Variants in ITM2C observed in about 807,000 individuals in gnomAD.
The protein encoded by ITM2C is integral membrane protein 2C.
In ITM2C, 20 loss-of-function variants were observed where a neutral mutation model predicts 30.0. The observed-to-expected ratio is 0.67, with a 90% CI of 0.47 to 0.97. The LOEUF is 0.97. ITM2C is among the 50% of genes least tolerant of loss of function. ITM2C has a pLI of 0.00. For synonymous variants in ITM2C, 167 were observed against 156.4 expected (o/e 1.07, Z -0.51); for missense variants, 366 against 371.9 (o/e 0.98, Z 0.13).
rs1440355281 is a variant in ITM2C, at chr2:230,876,948, A to T, written c.542A>T (p.Glu181Val). 1.2e-6 allele frequency: 2 copies of T among 1,612,624 alleles called. No homozygotes were observed. The highest frequency in any genetic ancestry group is 1.7e-6 in the Non-Finnish European group (2 of 1,178,818). ...TIVLPPRNFW[E>V]LLMNVKRGTY... ...GTGCTGCCCCCTCGCAACTTCTGGGAGCTCCTCATGAACGTGAAGGTGCGC... is the reference window on the plus strand; with the variant it reads ...GTGCTGCCCCCTCGCAACTTCTGGGTGCTCCTCATGAACGTGAAGGTGCGC... Residue 181 changes from glutamate to valine, a missense_variant, in exon 4 of 6, where the codon GAG becomes GTG. Physicochemically the swap from Glu to Val is moderately radical, Grantham distance 121. Coordinates refer to ENST00000326427, the MANE Select transcript of ITM2C (RefSeq NM_030926.6).
Position 230,876,937 on chromosome 2 carries a change from C to A in ITM2C, c.531C>A (p.Arg177=), listed in dbSNP as rs1697315429. ...ELNTTIVLPP[R]NFWELLMNVK... is the part of the protein sequence containing the mutation. ...ACACCACCATTGTGCTGCCCCCTCG[C>A]AACTTCTGGGAGCTCCTCATGAACG... is the stretch of plus-strand genomic sequence containing the variant. Residue 177 remains arginine (R), a synonymous_variant, in exon 4 of 6, where the codon CGC becomes CGA. Coordinates refer to ENST00000326427, the MANE Select transcript of ITM2C (RefSeq NM_030926.6). The A allele has an allele frequency of 6.2e-7, 1 of 1,613,786 alleles. No homozygotes were observed. The highest frequency in any genetic ancestry group is 8.5e-7 in the Non-Finnish European group (1 of 1,179,672).
Position 230,873,978 on chromosome 2 carries a change from G to A in ITM2C, c.261+421G>A, listed in dbSNP as rs115867028. 7.8e-3 allele frequency among the ~76,000 whole-genome samples: 1,191 copies of A among 152,302 alleles called. 18 individuals are homozygous for A. Among genetic ancestry groups the A allele is most frequent in the African/African-American group, 0.027 (1,117 of 41,566 alleles). The stretch of plus-strand genomic sequence containing the variant: ...GTTACCAAACAAGAGAGGGAGAGGG[G>A]TGGGTACAGAGAGTCTCCACCACCT... On this transcript the variant is annotated intron_variant, in intron 2 of 5. Transcript: ENST00000326427.
rs1697011922 is a variant in ITM2C, at chr2:230,865,745, T to C, written c.120+600T>C. ...AGACCAGAAAGTGATGAAATGGAAA[T>C]CAGCCAGAACCGACGGCGCTGCGGC... On this transcript the variant is annotated intron_variant, in intron 1 of 5. Transcript: ENST00000326427. The surrounding 1 kb of genome is among the most constrained non-coding windows in gnomAD (Gnocchi z 6.8). 1 of 152,250 alleles carries C rather than the reference T, an allele frequency of 6.6e-6. No individual in the cohort carries two copies. The highest frequency in any genetic ancestry group is 2.4e-5 in the African/African-American group (1 of 41,430). The allele number at this position is 152,250 out of a possible 1,614,324, so 9.4% of individuals were successfully genotyped here. A position where few individuals can be genotyped will look rare whatever the true frequency, so the allele number is the denominator to read the frequency against.
intron 1 of ITM2C, among the ~76,000 whole-genome samples, chr2:230,872,001 C>G (rs549009206): frequency 6.6e-5 from 10 of 152,382 alleles, no homozygotes; most frequent in South Asian, 2.1e-4. Context: ...GAACCACCCC[C>G]CTCCAGGGGG....
intron 1 of ITM2C, among the ~76,000 whole-genome samples, chr2:230,873,064 A>G (rs2125020493): frequency 6.6e-6 from 1 of 152,206 alleles, no homozygotes; most frequent in Middle Eastern, 3.4e-3. Flanking sequence ...TCTGTTTGAA[A>G]GAATATACCA....
In ITM2C at chr2:230,877,108, T is replaced by A; in HGVS notation, c.561+141T>A. On this transcript the variant is annotated intron_variant, in intron 4 of 5. Transcript: ENST00000326427. The surrounding 1 kb of genome is among the most constrained non-coding windows in gnomAD (Gnocchi z 4.8). ...AGACATTGCTGGCACCTGGGCCCTG[T>A]ACCCAGATTGGTCTCGCCTCTGCTA... 2 of 677,874 alleles carry A rather than the reference T, an allele frequency of 3.0e-6. No individual in the cohort carries two copies. Among genetic ancestry groups the A allele is most frequent in the Non-Finnish European group, 5.1e-6 (2 of 388,778 alleles). 42.0% of individuals were successfully genotyped at this position (677,874 alleles called of 1,614,324 possible).
chr2:230,867,478 C>G (rs1042827079), intron 1 of ITM2C, among the ~76,000 whole-genome samples: 3 of 152,074 alleles, frequency 2.0e-5, no homozygotes, highest in Non-Finnish European at 4.4e-5. Context: ...CTCTGTGAGC[C>G]GAGGGATGGC....
Position 230,865,240 on chromosome 2 carries a change from A to C in ITM2C, c.120+95A>C. 1 of 1,225,464 alleles carries C rather than the reference A, an allele frequency of 8.2e-7. No homozygotes were observed. The highest frequency in any genetic ancestry group is 1.0e-6 in the Non-Finnish European group (1 of 961,618). 75.9% of individuals were successfully genotyped at this position (1,225,464 alleles called of 1,614,324 possible). On this transcript the variant is annotated intron_variant, in intron 1 of 5. Transcript: ENST00000326427. The surrounding 1 kb of genome is among the most constrained non-coding windows in gnomAD (Gnocchi z 6.8). ...CCCTGGGGACTGCCCGAGGCGCGTC[A>C]GGGCCCCAGAGCCCGGGGTGGAGCA...
chr2:230,868,294 G>A (rs1179940250), intron 1 of ITM2C, among the ~76,000 whole-genome samples: 1 of 152,146 alleles, frequency 6.6e-6, no homozygotes, highest in Non-Finnish European at 1.5e-5. Flanking sequence ...ATAATGAGGA[G>A]CTGGGACACT....
chr2:230,875,386 T>C (rs1559157939), intron 2 of ITM2C, among the ~76,000 whole-genome samples: 1 of 152,160 alleles, frequency 6.6e-6, no homozygotes, highest in Non-Finnish European at 1.5e-5. Flanking sequence ...TTTGTGAAGC[T>C]GGGAAGCGCC....
At chr2:230,872,222 T>C (rs555382679) in intron 1 of ITM2C, among the ~76,000 whole-genome samples, 1 of 152,356 alleles carries the variant, frequency 6.6e-6, no homozygotes, top group Non-Finnish European at 1.5e-5. Context: ...CCGCAGGGAC[T>C]GACCTCTAAC....
At chr2:230,875,491 C>A in intron 2 of ITM2C, 129 bp from the exon 3 acceptor site, 1 of 759,080 alleles carries the variant, frequency 1.3e-6, no homozygotes, top group Non-Finnish European at 2.1e-6. Context: ...ATGGGTCTCA[C>A]AGTCCCTGCT....
At chr2:230,876,476 C>A (rs1050360624) in intron 3 of ITM2C, among the ~76,000 whole-genome samples, 3 of 151,968 alleles carry the variant, frequency 2.0e-5, no homozygotes, top group Admixed American at 2.0e-4. Flanking sequence ...CCTGCCCCTG[C>A]TGGCCAAGCT....
chr2:230,868,928 G>C (rs187265615), intron 1 of ITM2C, among the ~76,000 whole-genome samples: 561 of 152,330 alleles, frequency 3.7e-3, no homozygotes, highest in Non-Finnish European at 6.0e-3. Context: ...TTGGCGCCCC[G>C]GCAGGCCCCA....
chr2:230,873,381 C>T lies in ITM2C; in HGVS notation c.121-36C>T, dbSNP rs761472683. 2.2e-5 allele frequency: 33 copies of T among 1,489,504 alleles called. 1 individual carries two copies. Among genetic ancestry groups the T allele is most frequent in the South Asian group, 4.3e-5 (3 of 70,152 alleles). 92.3% of individuals were successfully genotyped at this position (1,489,504 alleles called of 1,614,324 possible). A position where few individuals can be genotyped will look rare whatever the true frequency, so the allele number is the denominator to read the frequency against. The stretch of plus-strand genomic sequence containing the variant: ...GAAGGGGGGATTTCCAGGGGAGGGG[C>T]CCTGGCCCCCACTGACCCAGCATTG... On this transcript the variant is annotated intron_variant, in intron 1 of 5. Transcript: ENST00000326427.
intron 1 of ITM2C, among the ~76,000 whole-genome samples, chr2:230,871,297 A>C (rs1276294421): frequency 6.6e-6 from 1 of 152,250 alleles, no homozygotes; most frequent in Non-Finnish European, 1.5e-5. Flanking sequence ...ACCTTTCCTT[A>C]AGACCTGCTC....
At position 230,877,004 on chromosome 2, in the gene ITM2C, G is replaced by A. The variant is rs1697319223; in HGVS notation, c.561+37G>A. On this transcript the variant is annotated intron_variant, in intron 4 of 5. Transcript: ENST00000326427. This position sits in a 1 kb window ranked among gnomAD's most constrained non-coding sequence, Gnocchi z 4.8. The stretch of plus-strand genomic sequence containing the variant: ...GTTGGGGGGATGTCTGCAGCATCCT[G>A]TCCCTCCCTTGCCCCCTGTCTCATG... The A allele has an allele frequency of 1.5e-6, 2 of 1,362,904 alleles. No homozygotes were observed. Among genetic ancestry groups the A allele is most frequent in the Non-Finnish European group, 2.1e-6 (2 of 952,410 alleles). 84.4% of individuals were successfully genotyped at this position (1,362,904 alleles called of 1,614,324 possible).
chr2:230,864,282 G>A (rs1007189312), upstream of ITM2C, among the ~76,000 whole-genome samples: 3 of 152,310 alleles, frequency 2.0e-5, no homozygotes, highest in African/African-American at 4.8e-5. The surrounding 1 kb of genome is among the most constrained non-coding windows in gnomAD (Gnocchi z 4.3). Context: ...AGGGAGCAGG[G>A]GCGGCCTTCC....
chr2:230,878,109 C>A lies in ITM2C; in HGVS notation c.*10C>A. 6.5e-7 allele frequency: 1 copy of A among 1,549,918 alleles called. No homozygotes were observed. Among genetic ancestry groups the A allele is most frequent in the Non-Finnish European group, 8.8e-7 (1 of 1,140,982 alleles). On this transcript the variant is annotated 3_prime_UTR_variant, in exon 6 of 6. Transcript: ENST00000326427. This position sits in a 1 kb window ranked among gnomAD's most constrained non-coding sequence, Gnocchi z 4.5. ...CTGCGGGGTGGTGTGAGGCCCTCCTCCCCCAGAACCCCCTGCCGTGTTCCT... is the reference window on the plus strand; with the variant it reads ...CTGCGGGGTGGTGTGAGGCCCTCCTACCCCAGAACCCCCTGCCGTGTTCCT...
Sources: allele counts gnomAD v4.1 joint callset (sites outside exome capture counted in the v4.1 genomes callset), GRCh38; gene constraint gnomAD v4.1.1; non-coding constraint Gnocchi (gnomAD v3.1); transcripts MANE v1.5; gene names NCBI Gene and HGNC (gene_info 2026-07-23, HGNC 2026-07-21).